Variants in RBM20 observed in about 807,000 individuals in gnomAD.
The protein encoded by RBM20 is RNA-binding protein 20.
RBM20 carries 51 observed loss-of-function variants against 110.1 expected under a neutral mutation model. That is an observed-to-expected ratio of 0.46 (90% CI 0.37 to 0.59). The LOEUF (loss-of-function observed/expected upper bound fraction) is 0.59. RBM20 is among the 20% of genes least tolerant of loss of function. The probability of loss-of-function intolerance (pLI) is 0.00; values close to 1 mark genes in which losing one functional copy is unlikely to be tolerated. For missense variants in RBM20, 1,512 were observed against 1,574.9 expected (o/e 0.96, Z 0.68); for synonymous variants, 589 against 618.2 (o/e 0.95, Z 0.70).
chr10:110,697,486 A>G (rs1366097360), intron 1 of RBM20, among the ~76,000 whole-genome samples: 1 of 152,280 alleles, frequency 6.6e-6, no homozygotes, highest in South Asian at 2.1e-4. Context: ...ACTATGAGCC[A>G]GGCCCATGCC....
In RBM20 at chr10:110,644,341, A is replaced by C; in HGVS notation, c.-114A>C. The C allele has an allele frequency of 1.3e-6, 1 of 777,574 alleles. No individual in the cohort carries two copies. The highest frequency in any genetic ancestry group is 1.8e-6 in the Non-Finnish European group (1 of 551,924). The allele number at this position is 777,574 out of a possible 1,614,324, so 48.2% of individuals were successfully genotyped here. A position where few individuals can be genotyped will look rare whatever the true frequency, so the allele number is the denominator to read the frequency against. On this transcript the variant is annotated 5_prime_UTR_variant, in exon 1 of 14. Coordinates refer to ENST00000369519, the MANE Select transcript of RBM20 (RefSeq NM_001134363.3). The surrounding 1 kb of genome is among the most constrained non-coding windows in gnomAD (Gnocchi z 4.3). ...GCCCCTCGCGTCTCCTCCCCGCGCC[A>C]CCGGGAAGGACAAGGGGACTGGGCA...
intron 1 of RBM20, among the ~76,000 whole-genome samples, chr10:110,702,991 G>T (rs201331158): frequency 4.2e-4 from 52 of 125,150 alleles, no homozygotes; most frequent in African/African-American, 8.2e-4. Flanking sequence ...TTTTTTTCTT[G>T]TTTTTTTTTT....
chr10:110,744,985 C>T (rs987738136), intron 1 of RBM20, among the ~76,000 whole-genome samples: 22 of 152,172 alleles, frequency 1.4e-4, no homozygotes, highest in African/African-American at 4.3e-4. Flanking sequence ...TCTGCCTCTC[C>T]GGAACTCCAG....
intron 1 of RBM20, among the ~76,000 whole-genome samples, chr10:110,772,259 T>C (rs1307846979): frequency 6.6e-6 from 1 of 152,250 alleles, no homozygotes; most frequent in Non-Finnish European, 1.5e-5. Flanking sequence ...GTATTTTTGG[T>C]ATTTCATTTA....
chr10:110,826,389 A>G (rs188722219), intron 12 of RBM20, among the ~76,000 whole-genome samples: 1 of 152,254 alleles, frequency 6.6e-6, no homozygotes, highest in East Asian at 1.9e-4. Flanking sequence ...CCTGTCTCCT[A>G]TGTAACCCCT....
intron 7 of RBM20, among the ~76,000 whole-genome samples, chr10:110,802,172 G>T (rs1844635068): frequency 6.6e-6 from 1 of 152,128 alleles, no homozygotes; most frequent in Non-Finnish European, 1.5e-5. Context: ...GGTCCATTTT[G>T]TCTAAGACCC....
At chr10:110,665,441 T>C (rs1862162364) in intron 1 of RBM20, among the ~76,000 whole-genome samples, 1 of 152,178 alleles carries the variant, frequency 6.6e-6, no homozygotes, top group Non-Finnish European at 1.5e-5. Context: ...GTACAAATGA[T>C]ATCGGGCAGA....
intron 1 of RBM20, among the ~76,000 whole-genome samples, chr10:110,654,775 A>G (rs1861997589): frequency 6.6e-6 from 1 of 152,218 alleles, no homozygotes; most frequent in African/African-American, 2.4e-5. Context: ...AGCAGGCATG[A>G]TCTATGTTCT....
At position 110,836,121 on chromosome 10, in the gene RBM20, C is replaced by A; in HGVS notation, c.*143C>A. On this transcript the variant is annotated 3_prime_UTR_variant, in exon 14 of 14. Transcript: ENST00000369519. ...AGGGCACATTGCTTGGGCTTGTTCCCAGAGACTCAGTGAAATGCCCCTGAT... is the reference window on the plus strand; with the variant it reads ...AGGGCACATTGCTTGGGCTTGTTCCAAGAGACTCAGTGAAATGCCCCTGAT... 1 of 522,592 alleles carries A rather than the reference C, an allele frequency of 1.9e-6. No individual in the cohort carries two copies. The highest frequency in any genetic ancestry group is 3.4e-6 in the Non-Finnish European group (1 of 295,234). 32.4% of individuals were successfully genotyped at this position (522,592 alleles called of 1,614,324 possible). A position where few individuals can be genotyped will look rare whatever the true frequency, so the allele number is the denominator to read the frequency against.
chr10:110,665,071 C>A (rs1862157700), intron 1 of RBM20, among the ~76,000 whole-genome samples: 1 of 151,940 alleles, frequency 6.6e-6, no homozygotes, highest in South Asian at 2.1e-4. Context: ...GAGATAGGCT[C>A]TTCCTATATT....
At chr10:110,682,711 G>A (rs1862440708) in intron 1 of RBM20, among the ~76,000 whole-genome samples, 1 of 152,186 alleles carries the variant, frequency 6.6e-6, no homozygotes, top group African/African-American at 2.4e-5. Context: ...CTTGCTTAAG[G>A]TGGTGTTAAC....
intron 1 of RBM20, among the ~76,000 whole-genome samples, chr10:110,736,062 C>T (rs1399179355): frequency 1.3e-5 from 2 of 152,164 alleles, no homozygotes; most frequent in African/African-American, 4.8e-5. Context: ...AGTGCATTTG[C>T]CCAGAACATT....
intron 7 of RBM20, among the ~76,000 whole-genome samples, chr10:110,801,301 C>T (rs1256005409): frequency 6.6e-6 from 1 of 151,980 alleles, no homozygotes; most frequent in Non-Finnish European, 1.5e-5. Context: ...GTGGCAGGCG[C>T]CTGTAATCTC....
intron 1 of RBM20, among the ~76,000 whole-genome samples, chr10:110,683,542 AT>A (rs1412757612): frequency 6.6e-6 from 1 of 152,082 alleles, no homozygotes; most frequent in Non-Finnish European, 1.5e-5. Flanking sequence ...TTGTTCTGTT[AT>A]TTGTTGGGGA....
chr10:110,760,423 ATCTTT>A (rs1412626492), intron 1 of RBM20, among the ~76,000 whole-genome samples: 2 of 83,366 alleles, frequency 2.4e-5, no homozygotes, highest in African/African-American at 4.1e-5. Context: ...GAATTCCATC[ATCTTT>A]TTTTTTTTTT....
At chr10:110,798,321 C>G (rs1208531679) in intron 6 of RBM20, among the ~76,000 whole-genome samples, 1 of 152,132 alleles carries the variant, frequency 6.6e-6, no homozygotes, top group Non-Finnish European at 1.5e-5. Context: ...ATCGGAGGAA[C>G]AGGCATAGGA....
chr10:110,656,760 C>T (rs1401129039), intron 1 of RBM20, among the ~76,000 whole-genome samples: 4 of 152,214 alleles, frequency 2.6e-5, no homozygotes, highest in African/African-American at 9.7e-5. Flanking sequence ...CACATGGCAT[C>T]ATGCTTTCAA....
chr10:110,831,679 A>AAC (rs1564668209), intron 13 of RBM20, among the ~76,000 whole-genome samples: 2 of 144,846 alleles, frequency 1.4e-5, no homozygotes, highest in East Asian at 2.1e-4. Flanking sequence ...AAAAAAAAAA[A>AAC]AAAAAAAAAA....
chr10:110,709,476 T>C (rs1013250397), intron 1 of RBM20, among the ~76,000 whole-genome samples: 1 of 152,082 alleles, frequency 6.6e-6, no homozygotes, highest in African/African-American at 2.4e-5. Context: ...AGGGACCATC[T>C]CTTACTTTTC....
Sources: allele counts gnomAD v4.1 joint callset (sites outside exome capture counted in the v4.1 genomes callset), GRCh38; gene constraint gnomAD v4.1.1; non-coding constraint Gnocchi (gnomAD v3.1); transcripts MANE v1.5; gene names NCBI Gene and HGNC (gene_info 2026-07-23, HGNC 2026-07-21).